Variants in HAVCR1 observed in about 807,000 individuals in gnomAD.
HAVCR1 encodes the protein hepatitis A virus cellular receptor 1.
A neutral mutation model predicts 32.0 loss-of-function variants in HAVCR1; 34 were observed. The observed-to-expected ratio is 1.06, with a 90% CI of 0.81 to 1.42. The LOEUF is 1.42. HAVCR1 is among the 40% of genes most tolerant of loss of function. The pLI is 0.00. For missense variants in HAVCR1, 420 were observed against 442.3 expected, an observed-to-expected ratio of 0.95 and a Z score of 0.45; for synonymous variants, 178 against 170.3, an observed-to-expected ratio of 1.05 and a Z score of -0.35.
At chr5:157,062,986 G>A (rs1442473080), upstream of HAVCR1, among the ~76,000 whole-genome samples, 1 of 151,822 alleles carries the variant, frequency 6.6e-6, no homozygotes, top group African/African-American at 2.4e-5. Flanking sequence ...CAGGCGTGGT[G>A]GCGCGTGCCT....
At chr5:157,036,294 C>T (rs372535673) in intron 7 of HAVCR1, among the ~76,000 whole-genome samples, 4 of 151,998 alleles carry the variant, frequency 2.6e-5, no homozygotes, top group South Asian at 2.1e-4. Flanking sequence ...CTGACTAACA[C>T]GGTGAAACCC....
intron 5 of HAVCR1, among the ~76,000 whole-genome samples, chr5:157,044,615 G>GAAAGAAAAAGAAAGAAAGAA (rs760337335): frequency 1.9e-5 from 1 of 52,656 alleles, no homozygotes; most frequent in African/African-American, 6.5e-5. Context: ...AAGAAAGAAA[G>GAAAGAAAAAGAAAGAAAGAA]AGAAAGAAAG....
chr5:157,053,640 C>T (rs919769055), intron 3 of HAVCR1, among the ~76,000 whole-genome samples: 2 of 152,076 alleles, frequency 1.3e-5, no homozygotes, highest in African/African-American at 2.4e-5. Context: ...GAGGCCGAGG[C>T]GGGTAGACTG....
At chr5:157,042,548 CAT>C (rs1754971786) in intron 6 of HAVCR1, 77 bp downstream of exon 6, 5 of 839,136 alleles carry the variant, frequency 6.0e-6, no homozygotes, top group Middle Eastern at 2.3e-4. Context: ...GTCTTACAGA[CAT>C]AGTCTTTAAA....
Position 157,052,363 on chromosome 5 carries a change from G to A in HAVCR1, c.671C>T (p.Pro224Leu). The stretch of plus-strand genomic sequence containing the variant: ...GCTTCCAAACACATCTGTTTTACCT[G>A]GTTCATGGTTCTGCCTGGGCAAAGG... ...PMPLPRQNHEPVATSPSSPQP... is the reference protein window; with the variant it reads ...PMPLPRQNHELVATSPSSPQP... The change falls in exon 4 of 9, where the codon CCA becomes CTA. Residue 224 changes from proline to leucine, a missense_variant and splice_region_variant. Pro to Leu is a moderately conservative substitution (Grantham distance 98). Transcript: ENST00000523175. The A allele has an allele frequency of 1.2e-6, 2 of 1,613,912 alleles. No homozygotes were observed. The highest frequency in any genetic ancestry group is 1.7e-6 in the Non-Finnish European group (2 of 1,179,778).
chr5:157,054,775 T>C (rs1022390615), intron 3 of HAVCR1, among the ~76,000 whole-genome samples: 1 of 152,230 alleles, frequency 6.6e-6, no homozygotes, highest in African/African-American at 2.4e-5. Flanking sequence ...CATTATTCCC[T>C]AAATATTTCA....
intron 6 of HAVCR1, among the ~76,000 whole-genome samples, chr5:157,038,640 C>T (rs1403348984): frequency 2.6e-5 from 4 of 152,098 alleles, no homozygotes; most frequent in South Asian, 2.1e-4. Flanking sequence ...TGCTTAGAAG[C>T]GGCATAGCCA....
At position 157,050,313 on chromosome 5, in the gene HAVCR1, T is replaced by A. The variant is rs116044202; in HGVS notation, c.674-1168A>T. ...GTGCAAAAGATCTCTTGAGCTTAACTTCTTTCCTAAGTTTGGGTCCTTATG... is the reference window on the plus strand; with the variant it reads ...GTGCAAAAGATCTCTTGAGCTTAACATCTTTCCTAAGTTTGGGTCCTTATG... On this transcript the variant is annotated intron_variant, in intron 4 of 8. Transcript: ENST00000523175. Among the ~76,000 whole-genome samples the A allele has an allele frequency of 9.5e-3, 1,445 of 152,334 alleles. 21 individuals carry two copies. The highest frequency in any genetic ancestry group is 0.031 in the African/African-American group (1,308 of 41,572).
At chr5:157,051,693 G>A (rs72805166) in intron 4 of HAVCR1, among the ~76,000 whole-genome samples, 4,078 of 152,226 alleles carry the variant, frequency 0.027, 66 homozygotes, top group South Asian at 0.058. Context: ...ACCATGTAGA[G>A]ACAAGGTCTC....
intron 6 of HAVCR1, among the ~76,000 whole-genome samples, chr5:157,040,403 G>T (rs1030766906): frequency 6.6e-5 from 10 of 152,200 alleles, no homozygotes; most frequent in Non-Finnish European, 1.2e-4. Flanking sequence ...CATATACATG[G>T]TGGTAGTTCT....
At chr5:157,063,257 C>A (rs551173765), upstream of HAVCR1, among the ~76,000 whole-genome samples, 2 of 151,776 alleles carry the variant, frequency 1.3e-5, no homozygotes, top group South Asian at 4.2e-4. Context: ...ACCAATGAAC[C>A]AAAGACCCCT....
intron 6 of HAVCR1, among the ~76,000 whole-genome samples, chr5:157,039,867 C>T (rs911114154): frequency 6.6e-6 from 1 of 152,094 alleles, no homozygotes; most frequent in African/African-American, 2.4e-5. Flanking sequence ...TTCAAGATAC[C>T]TGGGAGAAGA....
rs1241213259 is a variant in HAVCR1, at chr5:157,055,411, A to G, written c.169T>C (p.Cys57Arg). Residue 57 changes from cysteine (C) to arginine (R), a missense_variant, in exon 3 of 9, where the codon TGC (cysteine) becomes CGC (arginine). Cys to Arg is a radical substitution (Grantham distance 180). Coordinates refer to ENST00000523175, the MANE Select transcript of HAVCR1 (RefSeq NM_001173393.3). ...WNRGSCSLFT[C>R]QNGIVWTNGT... Reference sequence around the variant, plus strand: ...TTGGTCCAGACAATGCCATTTTGGCATGTGAATAGAGAACATGAGCCTCTA... The same window carrying G: ...TTGGTCCAGACAATGCCATTTTGGCGTGTGAATAGAGAACATGAGCCTCTA... 6.2e-7 allele frequency: 1 copy of G among 1,613,230 alleles called. No individual in the cohort carries two copies. The highest frequency in any genetic ancestry group is 1.7e-5 in the Admixed American group (1 of 60,018).
chr5:157,048,952 G>A (rs753249531), intron 5 of HAVCR1, 86 bp downstream of exon 5: 11 of 791,816 alleles, frequency 1.4e-5, no homozygotes, highest in African/African-American at 3.4e-5. Context: ...CAGATCAGTC[G>A]TATTCCAGAG....
upstream of HAVCR1, among the ~76,000 whole-genome samples, chr5:157,063,509 T>A (rs1159771187): frequency 2.0e-5 from 3 of 152,158 alleles, no homozygotes; most frequent in Non-Finnish European, 4.4e-5. Context: ...GGTCACGAAC[T>A]CCTGACCTCA....
chr5:157,053,210 A>AG (rs11386906), intron 3 of HAVCR1, among the ~76,000 whole-genome samples: 131,995 of 151,936 alleles, frequency 0.87, 57,417 homozygotes, highest in East Asian at 0.99. Flanking sequence ...CCTGGGCAAC[A>AG]GGTGAAACCC....
At chr5:157,041,440 G>A (rs1174756243) in intron 6 of HAVCR1, among the ~76,000 whole-genome samples, 1 of 152,130 alleles carries the variant, frequency 6.6e-6, no homozygotes, top group Non-Finnish European at 1.5e-5. Flanking sequence ...GGAGGTTGCA[G>A]TGAGCTGGGA....
At chr5:157,067,207 T>A in the HAVCR1 span, among the ~76,000 whole-genome samples, 2 of 152,222 alleles carry the variant, frequency 1.3e-5, no homozygotes, top group African/African-American at 4.8e-5. Context: ...GGAAGAGGAC[T>A]CACATCAGCA....
At chr5:157,052,903 G>T (rs1157520400) in intron 3 of HAVCR1, among the ~76,000 whole-genome samples, 3 of 152,102 alleles carry the variant, frequency 2.0e-5, no homozygotes, top group Non-Finnish European at 4.4e-5. Context: ...AAGAACAGAC[G>T]CCTCATATTT....
Sources: allele counts gnomAD v4.1 joint callset (sites outside exome capture counted in the v4.1 genomes callset), GRCh38; gene constraint gnomAD v4.1.1; transcripts MANE v1.5; gene names NCBI Gene and HGNC (gene_info 2026-07-23, HGNC 2026-07-21).